Variants in DIAPH2 observed in about 807,000 individuals in gnomAD.
DIAPH2 encodes diaphanous related formin 2, also known as protein diaphanous homolog 2.
DIAPH2 carries 35 observed loss-of-function variants against 92.7 expected under a neutral mutation model. The observed-to-expected ratio is 0.38, with a 90% CI of 0.29 to 0.50. The LOEUF (loss-of-function observed/expected upper bound fraction) is 0.50, where lower values mean the gene tolerates loss of function less well. DIAPH2 is among the 20% of genes least tolerant of loss of function. The pLI is 0.94. For synonymous variants in DIAPH2, 301 were observed against 280.4 expected (o/e 1.07, Z -0.73); for missense variants, 701 against 819.5 (o/e 0.86, Z 1.77).
intron 25 of DIAPH2, among the ~76,000 whole-genome samples, chrX:97,416,790 T>G (rs2069950964): frequency 8.9e-6 from 1 of 112,367 alleles, no homozygotes; most frequent in Non-Finnish European, 1.9e-5. Context: ...TCATCTTTGT[T>G]TTCTTGCAAG....
In DIAPH2 at chrX:97,073,093, G is replaced by A. The variant is rs756582786; in HGVS notation, c.2152+51G>A. 1.2e-5 allele frequency: 10 copies of A among 836,732 alleles called. 1 individual carries two copies. The East Asian group carries it at 2.9e-4, about 25-fold the overall frequency. 69.0% of individuals were successfully genotyped at this position (836,732 alleles called of 1,213,427 possible). A position where few individuals can be genotyped will look rare whatever the true frequency, so the allele number is the denominator to read the frequency against. On this transcript the variant is annotated intron_variant, in intron 18 of 26. Coordinates refer to ENST00000324765, the MANE Select transcript of DIAPH2 (RefSeq NM_006729.5). Reference sequence around the variant, plus strand: ...TGGTATAGGTAACGGTGAGAGGGGTGGGAGCTGTTTAATGTATTTAATGAA... The same window carrying A: ...TGGTATAGGTAACGGTGAGAGGGGTAGGAGCTGTTTAATGTATTTAATGAA...
intron 4 of DIAPH2, among the ~76,000 whole-genome samples, chrX:96,785,296 G>A (rs763870577): frequency 1.8e-5 from 2 of 110,473 alleles, no homozygotes; most frequent in Non-Finnish European, 3.8e-5. Context: ...GCTGGGTAAT[G>A]TATAAAGAAC....
chrX:97,578,237 G>A (rs999551750), intron 26 of DIAPH2, among the ~76,000 whole-genome samples: 7 of 107,506 alleles, frequency 6.5e-5, no homozygotes, highest in East Asian at 2.9e-4. Flanking sequence ...AGTTACATAC[G>A]TATACATGTG....
intron 1 of DIAPH2, among the ~76,000 whole-genome samples, chrX:96,696,676 C>T (rs1246313191): frequency 1.3e-4 from 15 of 111,899 alleles, no homozygotes; most frequent in Non-Finnish European, 1.9e-5. Flanking sequence ...TCTGCGTCAT[C>T]CTGATTCTTG....
chrX:96,707,384 C>A (rs1384976845), intron 1 of DIAPH2, among the ~76,000 whole-genome samples: 1 of 109,191 alleles, frequency 9.2e-6, no homozygotes. Flanking sequence ...TTGGCCAGGC[C>A]GGTCTTGAAC....
At position 96,741,561 on chromosome X, in the gene DIAPH2, A is replaced by T. The variant is rs1008272165; in HGVS notation, c.342+2799A>T. On this transcript the variant is annotated intron_variant, in intron 3 of 26. Transcript: ENST00000324765. ...CATAATTATGGCTTACTGCAGCCTCAATCTCCTGGGCTCAGGTGATCCTCC... is the reference window on the plus strand; with the variant it reads ...CATAATTATGGCTTACTGCAGCCTCTATCTCCTGGGCTCAGGTGATCCTCC... 2.8e-5 allele frequency among the ~76,000 whole-genome samples: 3 copies of T among 106,696 alleles called. 1 individual carries two copies. The highest frequency in any genetic ancestry group is 1.0e-4 in the African/African-American group (3 of 29,065). The allele number at this position is 106,696 out of a possible 115,157, so 92.7% of individuals were successfully genotyped here.
chrX:97,104,321 C>G (rs6620222), intron 20 of DIAPH2, among the ~76,000 whole-genome samples: 2,737 of 110,907 alleles, frequency 0.025, 83 homozygotes, highest in African/African-American at 0.086. Context: ...AATTTAAGCT[C>G]CTTTTTGAAA....
chrX:96,783,512 G>A (rs749033877), intron 4 of DIAPH2, among the ~76,000 whole-genome samples: 4 of 112,409 alleles, frequency 3.6e-5, no homozygotes, highest in Non-Finnish European at 7.5e-5. Flanking sequence ...TTTAGGAGTA[G>A]TGACCAAGCT....
chrX:96,799,021 A>G (rs1226505090), intron 4 of DIAPH2, among the ~76,000 whole-genome samples: 1 of 108,742 alleles, frequency 9.2e-6, no homozygotes, highest in Non-Finnish European at 1.9e-5. Flanking sequence ...ATATTCAGCC[A>G]GACTCAACTA....
At chrX:97,411,162 C>T (rs1362292010) in intron 25 of DIAPH2, among the ~76,000 whole-genome samples, 4 of 111,705 alleles carry the variant, frequency 3.6e-5, no homozygotes, top group Non-Finnish European at 5.6e-5. Flanking sequence ...AGAGAAAGGT[C>T]GGGTTACCCA....
chrX:97,185,397 A>ATATATATTTG (rs2067581279), intron 22 of DIAPH2, among the ~76,000 whole-genome samples: 2 of 5,500 alleles, frequency 3.6e-4, no homozygotes, highest in Non-Finnish European at 6.2e-4. Flanking sequence ...ATATATGTGT[A>ATATATATTTG]TATATATATA....
chrX:96,754,230 C>T (rs2064210407), intron 3 of DIAPH2, among the ~76,000 whole-genome samples: 1 of 111,923 alleles, frequency 8.9e-6, no homozygotes, highest in African/African-American at 3.3e-5. Flanking sequence ...CTTCTCTGAC[C>T]TTTCCATCTG....
intron 4 of DIAPH2, among the ~76,000 whole-genome samples, chrX:96,809,636 T>C (rs1161193358): frequency 9.0e-6 from 1 of 110,660 alleles, no homozygotes; most frequent in African/African-American, 3.3e-5. Context: ...TCATTTACAT[T>C]AGGTATTTCT....
intron 4 of DIAPH2, chrX:96,793,510 A>G: frequency 3.1e-6 from 1 of 321,216 alleles, no homozygotes; most frequent in Non-Finnish European, 5.9e-6. Flanking sequence ...CTTATTAAGT[A>G]GGGGCCTTCG....
intron 22 of DIAPH2, among the ~76,000 whole-genome samples, chrX:97,163,278 C>A (rs1460835610): frequency 1.8e-5 from 2 of 111,266 alleles, no homozygotes; most frequent in African/African-American, 3.3e-5. Context: ...CTCAAGAGAT[C>A]CTCTACCCTT....
intron 18 of DIAPH2, among the ~76,000 whole-genome samples, chrX:97,074,683 CA>C (rs1328997214): frequency 8.9e-6 from 1 of 111,781 alleles, no homozygotes; most frequent in Non-Finnish European, 1.9e-5. Context: ...ATGATTTAGG[CA>C]CTTTAATTTT....
chrX:97,530,686 A>C (rs764061706), intron 26 of DIAPH2, among the ~76,000 whole-genome samples: 172 of 112,064 alleles, frequency 1.5e-3, no homozygotes, highest in African/African-American at 5.3e-3. Flanking sequence ...CCTACCAATG[A>C]GTCAGCTGTT....
intron 26 of DIAPH2, among the ~76,000 whole-genome samples, chrX:97,557,164 G>A (rs2071262982): frequency 8.9e-6 from 1 of 112,054 alleles, no homozygotes. Context: ...AGGGTTAGTT[G>A]TAGGGAGCGG....
At chrX:97,458,324 A>G (rs1480576431) in intron 26 of DIAPH2, among the ~76,000 whole-genome samples, 8 of 90,473 alleles carry the variant, frequency 8.8e-5, no homozygotes, top group Non-Finnish European at 1.3e-4. Flanking sequence ...TTTTTTTCTC[A>G]AAATCTTGAG....
Sources: gnomAD v4.1 joint callset for allele counts (sites outside exome capture counted in the v4.1 genomes callset) on GRCh38, gnomAD v4.1.1 for gene constraint, MANE v1.5 for transcripts, NCBI Gene and HGNC (gene_info 2026-07-23, HGNC 2026-07-21) for gene names.